The following DYNC2H1 variants were observed in gnomAD, a reference collection of about 807,000 sequenced individuals.
DYNC2H1 encodes dynein cytoplasmic 2 heavy chain 1, also known as cytoplasmic dynein 2 heavy chain 1.
A neutral mutation model predicts 570.0 loss-of-function variants in DYNC2H1; 410 were observed. The observed-to-expected ratio is 0.72, with a 90% CI of 0.66 to 0.78. DYNC2H1 has a LOEUF of 0.78. Among genes scored for constraint, DYNC2H1 ranks in the 30% least tolerant of loss-of-function variants. DYNC2H1 has a pLI of 0.00. For missense variants in DYNC2H1, 4,865 were observed against 5,046.4 expected, an observed-to-expected ratio of 0.96 and a Z score of 1.09; for synonymous variants, 1,688 against 1,677.6, an observed-to-expected ratio of 1.01 and a Z score of -0.15.
chr11:103,307,691 T>C (rs1349657654), intron 77 of DYNC2H1, 30 bp from the exon 78 acceptor site: 1 of 1,251,744 alleles, frequency 8.0e-7, no homozygotes, highest in South Asian at 1.5e-5. Flanking sequence ...TATATTTAAG[T>C]AAATTTTTGT....
rs763563361 is a variant in DYNC2H1 at position 103,189,791 on chromosome 11, G to T, written c.7412G>T (p.Gly2471Val). The T allele has an allele frequency of 6.2e-7, 1 of 1,610,634 alleles. No individual in the cohort carries two copies. Among genetic ancestry groups the T allele is most frequent in the Admixed American group, 1.7e-5 (1 of 59,822 alleles). The change falls in exon 45 of 89, where the codon GGA becomes GTA. Residue 2471 changes from glycine to valine, a missense_variant. Around this residue, in one of 5 missense-constraint regions of DYNC2H1, gnomAD observed 2,401 missense variants for 2,454.6 expected, o/e 0.98. Transcript: ENST00000375735. This position sits in a 1 kb window ranked among gnomAD's most constrained non-coding sequence, Gnocchi z 4.3. ...GSSSKIYLLA[G>V]SMVQVYEQVR... Reference sequence around the variant, plus strand: ...TCATCAAAAATTTATCTTTTAGCAGGATCTATGGTACAAGTGTATGAACAG... The same window carrying T: ...TCATCAAAAATTTATCTTTTAGCAGTATCTATGGTACAAGTGTATGAACAG...
intron 52 of DYNC2H1, among the ~76,000 whole-genome samples, chr11:103,207,246 A>ATT (rs1344183719): frequency 1.6e-3 from 61 of 38,938 alleles, no homozygotes; most frequent in Non-Finnish European, 1.3e-3. Context: ...TTTTTTTAAA[A>ATT]AAAGATGGGA....
At chr11:103,124,593 T>C (rs1858892127) in intron 11 of DYNC2H1, among the ~76,000 whole-genome samples, 1 of 152,130 alleles carries the variant, frequency 6.6e-6, no homozygotes, top group Non-Finnish European at 1.5e-5. Context: ...TTTGCTATTA[T>C]AGCCTTTACA....
At chr11:103,316,472 A>G in intron 79 of DYNC2H1, 73 bp from the exon 80 acceptor site, 1 of 1,007,094 alleles carries the variant, frequency 9.9e-7, no homozygotes, top group South Asian at 1.8e-5. Context: ...ATTTAATTTA[A>G]AGACAGTGAT....
intron 85 of DYNC2H1, among the ~76,000 whole-genome samples, chr11:103,441,935 C>G (rs897914616): frequency 1.3e-5 from 2 of 152,046 alleles, no homozygotes; most frequent in African/African-American, 4.8e-5. Flanking sequence ...TATTATTTTC[C>G]TAACTCATCT....
At chr11:103,351,307 A>G (rs1940043438) in intron 82 of DYNC2H1, among the ~76,000 whole-genome samples, 1 of 152,180 alleles carries the variant, frequency 6.6e-6, no homozygotes, top group African/African-American at 2.4e-5. Flanking sequence ...AGTAAACTGC[A>G]TGTCCTTTTG....
intron 73 of DYNC2H1, among the ~76,000 whole-genome samples, chr11:103,285,702 G>A (rs1866325852): frequency 6.6e-6 from 1 of 151,996 alleles, no homozygotes; most frequent in Non-Finnish European, 1.5e-5. Flanking sequence ...TGGGATTATA[G>A]GTGTGAGCCA....
intron 87 of DYNC2H1, among the ~76,000 whole-genome samples, chr11:103,456,579 A>G (rs527324062): frequency 6.6e-6 from 1 of 152,300 alleles, no homozygotes; most frequent in South Asian, 2.1e-4. Context: ...GGGATACAAT[A>G]TTTGAAAGTG....
intron 21 of DYNC2H1, 98 bp from the exon 22 acceptor site, chr11:103,153,204 AT>A: frequency 1.9e-6 from 2 of 1,077,478 alleles, no homozygotes; most frequent in Admixed American, 3.5e-5. Context: ...GGTCATTGAT[AT>A]TTTTTCACTT....
intron 82 of DYNC2H1, among the ~76,000 whole-genome samples, chr11:103,344,771 C>G (rs926531678): frequency 6.6e-6 from 1 of 152,080 alleles, no homozygotes; most frequent in Admixed American, 6.5e-5. Flanking sequence ...AAATATAACA[C>G]TTAATATATA....
chr11:103,187,290 T>C, intron 42 of DYNC2H1, 50 bp from the exon 43 acceptor site: 1 of 1,605,468 alleles, frequency 6.2e-7, no homozygotes, highest in Non-Finnish European at 8.5e-7. Context: ...ATAAAATGTA[T>C]TTTGTTGGTT....
intron 84 of DYNC2H1, among the ~76,000 whole-genome samples, chr11:103,424,761 A>G (rs1473611449): frequency 6.6e-6 from 1 of 151,318 alleles, no homozygotes; most frequent in African/African-American, 2.4e-5. Flanking sequence ...TCTCATTTCC[A>G]TGGTACAAAT....
In DYNC2H1 at chr11:103,135,924, G is replaced by T. The variant is rs375307767; in HGVS notation, c.2550G>T (p.Leu850Phe). 4.4e-6 allele frequency: 7 copies of T among 1,608,454 alleles called. No homozygotes were observed. The East Asian group carries it at 8.9e-5, about 21-fold the overall frequency. Reference sequence around the variant, plus strand: ...AAGCAGAAGATCTGTTTAGAAGATTGTCAGCTGTTTTACACCAACATAAGG... The same window carrying T: ...AAGCAGAAGATCTGTTTAGAAGATTTTCAGCTGTTTTACACCAACATAAGG... ...FSKAEDLFRR[L>F]SAVLHQHKEW... The change falls in exon 17 of 89, where the codon TTG becomes TTT. Residue 850 changes from leucine (L) to phenylalanine (F), a missense_variant. This residue lies in a region of DYNC2H1 where 1,936 missense variants were observed against 1,962.1 expected (regional missense o/e 0.99). Coordinates refer to ENST00000375735, the MANE Select transcript of DYNC2H1 (RefSeq NM_001377.3).
At chr11:103,381,878 G>T (rs892522632) in intron 83 of DYNC2H1, among the ~76,000 whole-genome samples, 2 of 152,098 alleles carry the variant, frequency 1.3e-5, no homozygotes, top group East Asian at 3.8e-4. Flanking sequence ...TGTGTTAATG[G>T]TTAACTCATT....
intron 5 of DYNC2H1, among the ~76,000 whole-genome samples, chr11:103,116,988 T>C (rs1858433757): frequency 6.6e-6 from 1 of 150,930 alleles, no homozygotes; most frequent in African/African-American, 2.4e-5. Flanking sequence ...TGAAAAATTA[T>C]TTAAAATATA....
chr11:103,205,221 C>T lies in DYNC2H1; in HGVS notation c.8454+257C>T, dbSNP rs1862880078. Among the ~76,000 whole-genome samples the T allele has an allele frequency of 6.6e-6, 1 of 152,100 alleles. No individual in the cohort carries two copies. The highest frequency in any genetic ancestry group is 6.6e-5 in the Admixed American group (1 of 15,260). ...TTTAAAATTTTATGGCTTTAATTAA[C>T]TAGCCTATTACAGGCTGTCCTAGAT... On this transcript the variant is annotated intron_variant, in intron 52 of 88. Transcript: ENST00000375735. This position sits in a 1 kb window ranked among gnomAD's most constrained non-coding sequence, Gnocchi z 4.5.
chr11:103,366,114 A>T (rs1020657901), intron 83 of DYNC2H1, among the ~76,000 whole-genome samples: 1 of 152,214 alleles, frequency 6.6e-6, no homozygotes, highest in East Asian at 1.9e-4. Context: ...AAAATGATGG[A>T]TTTGGAAGAA....
At position 103,357,055 on chromosome 11, in the gene DYNC2H1, ATATT is replaced by A. The variant is rs200703559; in HGVS notation, c.12040-1185_12040-1182del. On this transcript the variant is annotated intron_variant, in intron 82 of 88. Transcript: ENST00000375735. The stretch of plus-strand genomic sequence containing the variant: ...CAAACAGTGAGATAGCACAATTTTA[ATATT>A]TAGGTATAATATGAAAAACAATATA... Among the ~76,000 whole-genome samples, 582 of 152,226 alleles carry A rather than the reference ATATT, an allele frequency of 3.8e-3. 5 individuals are homozygous for A. The highest frequency in any genetic ancestry group is 0.013 in the African/African-American group (559 of 41,554).
At chr11:103,226,156 AAACACTGGCAGTTTAGCTTCCGCTTTACC>A (rs1431536767) in intron 59 of DYNC2H1, among the ~76,000 whole-genome samples, 1 of 152,180 alleles carries the variant, frequency 6.6e-6, no homozygotes, top group East Asian at 1.9e-4. Flanking sequence ...TATCATCAGC[AAACACTGGCAGTTTAGCTTCCGCTTTACC>A]AATTTGGATG....
Sources: gnomAD v4.1 joint callset for allele counts (sites outside exome capture counted in the v4.1 genomes callset) on GRCh38, gnomAD v4.1.1 for gene constraint, gnomAD v4.1.1 regional missense constraint, Gnocchi (gnomAD v3.1) non-coding constraint, MANE v1.5 for transcripts, NCBI Gene and HGNC (gene_info 2026-07-23, HGNC 2026-07-21) for gene names.